MVB12B: variants seen among roughly 807,000 people sequenced by gnomAD.
MVB12B encodes the protein multivesicular body subunit 12B, also known as ESCRT-I complex subunit MVB12B.
In MVB12B, 16 loss-of-function variants were observed where a neutral mutation model predicts 41.6. The ratio of observed to expected loss-of-function variants is 0.38; its 90% CI spans 0.26 to 0.58. The LOEUF is 0.58. Among genes scored for constraint, MVB12B ranks in the 20% least tolerant of loss-of-function variants. MVB12B has a pLI of 0.62. For synonymous variants in MVB12B, 133 were observed against 139.7 expected (o/e 0.95, Z 0.34); for missense variants, 274 against 380.2 (o/e 0.72, Z 2.32).
chr9:126,437,238 A>G (rs1832505247), intron 7 of MVB12B, among the ~76,000 whole-genome samples: 1 of 152,152 alleles, frequency 6.6e-6, no homozygotes, highest in Non-Finnish European at 1.5e-5. Flanking sequence ...GGAAGCTGCT[A>G]TGTAGTTCGG....
chr9:126,410,184 C>G (rs990598791), intron 6 of MVB12B, among the ~76,000 whole-genome samples: 1 of 143,254 alleles, frequency 7.0e-6, no homozygotes, highest in Non-Finnish European at 1.6e-5. Context: ...CACGCATGCA[C>G]GCGCATGCAT....
chr9:126,335,178 G>A, intron 1 of MVB12B: 1 of 1,106,116 alleles, frequency 9.0e-7, no homozygotes, highest in Non-Finnish European at 1.1e-6. Flanking sequence ...AGCAGCTAGT[G>A]ACTTGTTGCC....
intron 5 of MVB12B, among the ~76,000 whole-genome samples, chr9:126,393,254 G>C (rs1280492824): frequency 2.0e-5 from 3 of 152,232 alleles, no homozygotes; most frequent in Admixed American, 6.5e-5. Flanking sequence ...AGGCAGGACT[G>C]GCATGCCTGG....
chr9:126,448,716 A>G (rs1045204068), intron 7 of MVB12B, among the ~76,000 whole-genome samples: 2 of 152,086 alleles, frequency 1.3e-5, no homozygotes, highest in Non-Finnish European at 2.9e-5. Context: ...GGCCCTTTCA[A>G]ACAACCAGAT....
chr9:126,396,464 G>A, intron 6 of MVB12B: 1 of 985,518 alleles, frequency 1.0e-6, no homozygotes, highest in Non-Finnish European at 1.2e-6. Context: ...TAACGTAAAT[G>A]AGAATGGATC....
chr9:126,439,204 A>T (rs1350049207), intron 7 of MVB12B, among the ~76,000 whole-genome samples: 1 of 152,132 alleles, frequency 6.6e-6, no homozygotes, highest in African/African-American at 2.4e-5. Context: ...AAACAAAGAC[A>T]AGCCACAGAA....
At chr9:126,349,140 G>A (rs1304277185) in intron 2 of MVB12B, among the ~76,000 whole-genome samples, 1 of 152,094 alleles carries the variant, frequency 6.6e-6, no homozygotes, top group Non-Finnish European at 1.5e-5. Context: ...TGTCAAGCAG[G>A]GTGAGCACAG....
rs1226612185 is a variant in MVB12B, at chr9:126,473,725, C to G, written c.758-7644C>G. On this transcript the variant is annotated intron_variant, in intron 7 of 9. Transcript: ENST00000361171. The surrounding 1 kb of genome is among the most constrained non-coding windows in gnomAD (Gnocchi z 4.0). Reference sequence around the variant, plus strand: ...TGCTAAACCATCCACAAGAAATCCTCTCCCCACATAGCTCAGTCATCTCCC... The same window carrying G: ...TGCTAAACCATCCACAAGAAATCCTGTCCCCACATAGCTCAGTCATCTCCC... 1.3e-5 allele frequency among the ~76,000 whole-genome samples: 2 copies of G among 152,248 alleles called. No individual in the cohort carries two copies. Among genetic ancestry groups the G allele is most frequent in the East Asian group, 3.8e-4 (2 of 5,198 alleles).
At position 126,480,658 on chromosome 9, in the gene MVB12B, C is replaced by T. The variant is rs931926400; in HGVS notation, c.758-711C>T. On this transcript the variant is annotated intron_variant, in intron 7 of 9. Transcript: ENST00000361171. The surrounding 1 kb of genome is among the most constrained non-coding windows in gnomAD (Gnocchi z 4.9). ...GCACACTGGTGAGCCTCTAGTCAGC[C>T]CTTGATGCCCTGGGTCTGAGTGACT... Among the ~76,000 whole-genome samples, 16 of 152,266 alleles carry T rather than the reference C, an allele frequency of 1.1e-4. No homozygotes were observed. The highest frequency in any genetic ancestry group is 8.3e-4 in the South Asian group (4 of 4,816).
chr9:126,398,985 G>A (rs1831195020), intron 6 of MVB12B, among the ~76,000 whole-genome samples: 3 of 152,236 alleles, frequency 2.0e-5, no homozygotes, highest in Admixed American at 6.5e-5. Flanking sequence ...CGTGGTTCTA[G>A]CAGCACTGCC....
chr9:126,380,924 G>A, intron 2 of MVB12B, 140 bp from the exon 3 acceptor site: 2 of 596,266 alleles, frequency 3.4e-6, no homozygotes, highest in Non-Finnish European at 6.0e-6. Context: ...TCATCCCAGT[G>A]CCTAGTGAAA....
In MVB12B at chr9:126,486,963, G is replaced by A. The variant is rs1160037154; in HGVS notation, c.873+2931G>A. ...CCCAGTGTGGGGTCCAGGGCGGGTG[G>A]TGGGAACCCTGCAAACCTTATTCTC... On this transcript the variant is annotated intron_variant, in intron 9 of 9. Transcript: ENST00000361171. This position sits in a 1 kb window ranked among gnomAD's most constrained non-coding sequence, Gnocchi z 4.7. 6.6e-6 allele frequency among the ~76,000 whole-genome samples: 1 copy of A among 152,226 alleles called. No homozygotes were observed. The highest frequency in any genetic ancestry group is 2.1e-4 in the South Asian group (1 of 4,816).
chr9:126,331,830 C>A (rs1829139468), intron 1 of MVB12B, among the ~76,000 whole-genome samples: 1 of 152,140 alleles, frequency 6.6e-6, no homozygotes, highest in African/African-American at 2.4e-5. Context: ...CATAAGGAGG[C>A]CCCATGGGGG....
At chr9:126,440,925 A>G (rs1486458405) in intron 7 of MVB12B, among the ~76,000 whole-genome samples, 2 of 152,226 alleles carry the variant, frequency 1.3e-5, no homozygotes, top group Non-Finnish European at 2.9e-5. Flanking sequence ...TCAGAGAGTA[A>G]TGGTGTGCTG....
chr9:126,406,881 A>G (rs1043735984), intron 6 of MVB12B, among the ~76,000 whole-genome samples: 1 of 151,976 alleles, frequency 6.6e-6, no homozygotes, highest in Non-Finnish European at 1.5e-5. Context: ...GCAGATTGGT[A>G]TAAGGATTGT....
intron 7 of MVB12B, among the ~76,000 whole-genome samples, chr9:126,463,230 C>T (rs933668996): frequency 6.6e-6 from 1 of 152,148 alleles, no homozygotes; most frequent in Non-Finnish European, 1.5e-5. Context: ...TCTCCTGCCT[C>T]CCGTCTCCAA....
chr9:126,344,927 C>T (rs532129785), intron 2 of MVB12B, among the ~76,000 whole-genome samples: 10 of 152,148 alleles, frequency 6.6e-5, no homozygotes, highest in Non-Finnish European at 1.2e-4. Context: ...AGGACAGAAC[C>T]CTCAGAACCT....
Position 126,486,347 on chromosome 9 carries a change from T to G in MVB12B, c.873+2315T>G, listed in dbSNP as rs1833618976. Among the ~76,000 whole-genome samples the G allele has an allele frequency of 6.6e-6, 1 of 152,134 alleles. No individual in the cohort carries two copies. Among genetic ancestry groups the G allele is most frequent in the Admixed American group, 6.5e-5 (1 of 15,278 alleles). On this transcript the variant is annotated intron_variant, in intron 9 of 9. Coordinates refer to ENST00000361171, the MANE Select transcript of MVB12B (RefSeq NM_033446.3). The surrounding 1 kb of genome is among the most constrained non-coding windows in gnomAD (Gnocchi z 4.7). ...CATTTGCATGGGGCCCTGCGTGTGG[T>G]GCAGCCCAGGGTATGTGAGGAAGGC...
Position 126,473,451 on chromosome 9 carries a change from G to A in MVB12B, c.758-7918G>A, listed in dbSNP as rs1006323562. ...TGAGACTGGGTAATTTATAAGAAAA[G>A]GTTTAATTGACTCATGGTTCTGCAG... On this transcript the variant is annotated intron_variant, in intron 7 of 9. Transcript: ENST00000361171. The surrounding 1 kb of genome is among the most constrained non-coding windows in gnomAD (Gnocchi z 4.0). Among the ~76,000 whole-genome samples, 3 of 152,200 alleles carry A rather than the reference G, an allele frequency of 2.0e-5. No individual in the cohort carries two copies. Among genetic ancestry groups the A allele is most frequent in the African/African-American group, 7.2e-5 (3 of 41,452 alleles).
Sources: gnomAD v4.1 joint callset for allele counts (sites outside exome capture counted in the v4.1 genomes callset) on GRCh38, gnomAD v4.1.1 for gene constraint, Gnocchi (gnomAD v3.1) non-coding constraint, MANE v1.5 for transcripts, NCBI Gene and HGNC (gene_info 2026-07-23, HGNC 2026-07-21) for gene names.